The following FUT8 variants were observed in gnomAD, a reference collection of about 807,000 sequenced individuals.
FUT8 encodes fucosyltransferase 8.
In FUT8, 29 loss-of-function variants were observed where a neutral mutation model predicts 71.3. The ratio of observed to expected loss-of-function variants is 0.41; its 90% confidence interval spans 0.30 to 0.55. The LOEUF (loss-of-function observed/expected upper bound fraction) is 0.55. Among genes scored for constraint, FUT8 ranks in the 20% least tolerant of loss-of-function variants. The pLI, the probability that FUT8 is intolerant of heterozygous loss-of-function variation, is 0.34. For missense variants in FUT8, 544 were observed against 702.1 expected, an observed-to-expected ratio of 0.77 and a Z score of 2.55; for synonymous variants, 254 against 239.3, an observed-to-expected ratio of 1.06 and a Z score of -0.57.
At chr14:65,531,083 T>G (rs1165462067) in intron 2 of FUT8, among the ~76,000 whole-genome samples, 2 of 151,418 alleles carry the variant, frequency 1.3e-5, no homozygotes, top group East Asian at 3.9e-4. Flanking sequence ...TCAAGTAGCT[T>G]AAAAGCATTG....
At chr14:65,458,715 C>T (rs1053927311) in intron 2 of FUT8, among the ~76,000 whole-genome samples, 5 of 151,544 alleles carry the variant, frequency 3.3e-5, no homozygotes, top group East Asian at 3.9e-4. Context: ...TCTGTAGATA[C>T]GTGGCCTGCT....
rs1026230102 is a variant in FUT8, at chr14:65,660,452, C to G, written c.598-8791C>G. 1.3e-5 allele frequency among the ~76,000 whole-genome samples: 2 copies of G among 152,112 alleles called. No individual in the cohort carries two copies. Among genetic ancestry groups the G allele is most frequent in the Admixed American group, 6.5e-5 (1 of 15,268 alleles). ...AAGATAAGCTTTCCTCTTCTATGAC[C>G]ATATAGTAACTATCTGCCTTTGCTG... On this transcript the variant is annotated intron_variant, in intron 6 of 10. Coordinates refer to ENST00000673929, the MANE Select transcript of FUT8 (RefSeq NM_001371533.1). This position sits in a 1 kb window ranked among gnomAD's most constrained non-coding sequence, Gnocchi z 4.1.
At chr14:65,721,506 A>T (rs1895412600) in intron 7 of FUT8, among the ~76,000 whole-genome samples, 1 of 152,216 alleles carries the variant, frequency 6.6e-6, no homozygotes, top group South Asian at 2.1e-4. Context: ...AGTTCTGCAT[A>T]CCATGAGGTG....
rs561664750 is a variant in FUT8 at position 65,557,336 on chromosome 14, CT to C, written c.-227-3987del. The stretch of plus-strand genomic sequence containing the variant: ...TGCCGAGATTTTGTCTCTCTCTCCC[CT>C]TTTTTTTTTTTTTGAGACAGAGCCT... On this transcript the variant is annotated intron_variant, in intron 2 of 10. Transcript: ENST00000673929. Among the ~76,000 whole-genome samples, 308 of 142,648 alleles carry C rather than the reference CT, an allele frequency of 2.2e-3. 1 individual carries two copies. Among genetic ancestry groups the C allele is most frequent in the Non-Finnish European group, 3.3e-3 (213 of 65,074 alleles). The allele number at this position is 142,648 out of a possible 152,430, so 93.6% of individuals were successfully genotyped here.
the FUT8 span, among the ~76,000 whole-genome samples, chr14:65,396,733 A>T: frequency 2.6e-5 from 4 of 152,246 alleles, no homozygotes; most frequent in Admixed American, 1.3e-4. This position sits in a 1 kb window ranked among gnomAD's most constrained non-coding sequence, Gnocchi z 5.5. Flanking sequence ...ATGCCAAGAC[A>T]CGTGGTTTGG....
At position 65,504,946 on chromosome 14, in the gene FUT8, AAAAG is replaced by A. The variant is rs559097294; in HGVS notation, c.-228+49237_-228+49240del. Among the ~76,000 whole-genome samples, 387 of 152,340 alleles carry A rather than the reference AAAAG, an allele frequency of 2.5e-3. 2 individuals carry two copies. The highest frequency in any genetic ancestry group is 0.014 in the Middle Eastern group (4 of 294). On this transcript the variant is annotated intron_variant, in intron 2 of 10. Coordinates refer to ENST00000673929, the MANE Select transcript of FUT8 (RefSeq NM_001371533.1). ...AACAAGAGTGAAACTCCGTCTCAGA[AAAAG>A]AAAGAAAGGGAAAAAAACCCCAACA... is the stretch of plus-strand genomic sequence containing the variant.
chr14:65,493,231 A>G (rs2066508999), intron 2 of FUT8, among the ~76,000 whole-genome samples: 1 of 152,152 alleles, frequency 6.6e-6, no homozygotes, highest in East Asian at 1.9e-4. Context: ...ATCTGTGAAG[A>G]TACTTTTTAC....
chr14:65,380,736 C>A, the FUT8 span, among the ~76,000 whole-genome samples: 2 of 152,172 alleles, frequency 1.3e-5, no homozygotes, highest in African/African-American at 4.8e-5. Context: ...CCAATCTCAA[C>A]TTGGTTCACT....
chr14:65,363,431 A>G, the FUT8 span, among the ~76,000 whole-genome samples: 2 of 151,906 alleles, frequency 1.3e-5, no homozygotes, highest in Admixed American at 1.3e-4. Context: ...TAATTTTTGC[A>G]TTTTTAGTAG....
intron 6 of FUT8, among the ~76,000 whole-genome samples, chr14:65,664,411 A>G (rs891242957): frequency 6.6e-6 from 1 of 152,106 alleles, no homozygotes; most frequent in Admixed American, 6.6e-5. Flanking sequence ...GGAGTCTGCC[A>G]TGAGTTCACA....
At chr14:65,461,679 A>G (rs1475966020) in intron 2 of FUT8, among the ~76,000 whole-genome samples, 1 of 152,194 alleles carries the variant, frequency 6.6e-6, no homozygotes, top group Non-Finnish European at 1.5e-5. Flanking sequence ...TTAGTTTGTT[A>G]CTGATACACC....
intron 7 of FUT8, among the ~76,000 whole-genome samples, chr14:65,688,520 CAAAAAAAA>C (rs34293733): frequency 2.7e-4 from 15 of 55,130 alleles, no homozygotes; most frequent in African/African-American, 6.0e-4. Context: ...ATCCACATGC[CAAAAAAAA>C]AAAAAAAAAA....
intron 2 of FUT8, among the ~76,000 whole-genome samples, chr14:65,515,460 CTT>C (rs1047306229): frequency 1.4e-5 from 2 of 142,176 alleles, no homozygotes; most frequent in Non-Finnish European, 1.6e-5. Flanking sequence ...TTTTTCTTTG[CTT>C]TTTTTTTTTA....
the FUT8 span, among the ~76,000 whole-genome samples, chr14:65,365,432 G>C: frequency 6.6e-6 from 1 of 151,796 alleles, no homozygotes; most frequent in African/African-American, 2.4e-5. Flanking sequence ...ACTCCATCTT[G>C]AATAGGAGCT....
chr14:65,656,766 A>G (rs1891702047), intron 6 of FUT8, among the ~76,000 whole-genome samples: 1 of 152,196 alleles, frequency 6.6e-6, no homozygotes. Flanking sequence ...ATTATATACT[A>G]CAGAGCTATA....
chr14:65,411,959 A>C (rs947805021), upstream of FUT8: 2 of 452,862 alleles, frequency 4.4e-6, no homozygotes, highest in Middle Eastern at 3.3e-4. Flanking sequence ...ACTGCTCTGC[A>C]TCGCGGGCGC....
intron 6 of FUT8, among the ~76,000 whole-genome samples, chr14:65,653,862 A>C (rs1158973112): frequency 3.3e-5 from 5 of 152,222 alleles, no homozygotes; most frequent in African/African-American, 1.2e-4. Context: ...AAGAATTACC[A>C]TCCAGAATTT....
At position 65,445,446 on chromosome 14, in the gene FUT8, A is replaced by C. The variant is rs560873882; in HGVS notation, c.-325-10175A>C. On this transcript the variant is annotated intron_variant, in intron 1 of 10. Transcript: ENST00000673929. ...ATTCTGTTATGGCAGCACAAAATGG[A>C]CCAGGGGTTATGGTGGGGGAGGGTG... Among the ~76,000 whole-genome samples, 117 of 152,192 alleles carry C rather than the reference A, an allele frequency of 7.7e-4. No individual in the cohort carries two copies. In the Middle Eastern group the frequency reaches 0.02, roughly 27 times the overall value.
At chr14:65,704,413 A>C (rs933737356) in intron 7 of FUT8, among the ~76,000 whole-genome samples, 5 of 151,982 alleles carry the variant, frequency 3.3e-5, no homozygotes, top group Non-Finnish European at 5.9e-5. Context: ...TGATGAAATT[A>C]AGCCTTGCCT....
Sources: allele counts gnomAD v4.1 joint callset (sites outside exome capture counted in the v4.1 genomes callset), GRCh38; gene constraint gnomAD v4.1.1; non-coding constraint Gnocchi (gnomAD v3.1); transcripts MANE v1.5; gene names NCBI Gene and HGNC (gene_info 2026-07-23, HGNC 2026-07-21).